ARL15: variants seen among roughly 807,000 people sequenced by gnomAD.
ARL15 encodes ARF like GTPase 15.
A neutral mutation model predicts 25.2 loss-of-function variants in ARL15; 19 were observed. The observed-to-expected ratio is 0.75, with a 90% CI of 0.53 to 1.10. The LOEUF is 1.10. Among genes scored for constraint, ARL15 ranks in the 50% least tolerant of loss-of-function variants. The probability of loss-of-function intolerance (pLI) is 0.00; values close to 1 mark genes in which losing one functional copy is unlikely to be tolerated. For synonymous variants in ARL15, 94 were observed against 86.8 expected (o/e 1.08, Z -0.46); for missense variants, 220 against 246.0 (o/e 0.89, Z 0.71).
At chr5:54,132,255 T>C (rs543661968) in intron 3 of ARL15, among the ~76,000 whole-genome samples, 29 of 152,204 alleles carry the variant, frequency 1.9e-4, no homozygotes, top group African/African-American at 5.3e-4. Context: ...CCATATAGTA[T>C]AAGAAATATT....
chr5:54,112,111 C>T (rs1168213816), intron 4 of ARL15, among the ~76,000 whole-genome samples: 1 of 152,008 alleles, frequency 6.6e-6, no homozygotes, highest in Admixed American at 6.6e-5. Context: ...AATAATGGGT[C>T]CTTGCCTTTC....
intron 4 of ARL15, among the ~76,000 whole-genome samples, chr5:54,100,904 A>G (rs578249469): frequency 8.5e-5 from 13 of 152,234 alleles, no homozygotes; most frequent in African/African-American, 3.1e-4. Context: ...TTTTCACTGT[A>G]TACCTTTTTG....
At chr5:54,262,154 C>G (rs540172923) in intron 1 of ARL15, among the ~76,000 whole-genome samples, 3 of 152,162 alleles carry the variant, frequency 2.0e-5, no homozygotes, top group African/African-American at 7.2e-5. Context: ...ATCACCCTCC[C>G]ACACACAATC....
chr5:53,935,824 C>T (rs926902409), intron 4 of ARL15, among the ~76,000 whole-genome samples: 1 of 152,132 alleles, frequency 6.6e-6, no homozygotes, highest in African/African-American at 2.4e-5. Context: ...GGTGCGATCT[C>T]GGCAACCTCT....
intron 1 of ARL15, among the ~76,000 whole-genome samples, chr5:54,277,668 C>T (rs1339282897): frequency 6.6e-6 from 1 of 151,982 alleles, no homozygotes. Context: ...AGGAGAATGG[C>T]GTGAACCCGG....
intron 1 of ARL15, among the ~76,000 whole-genome samples, chr5:54,187,804 T>C (rs1755281704): frequency 6.6e-6 from 1 of 152,218 alleles, no homozygotes; most frequent in African/African-American, 2.4e-5. Flanking sequence ...TGCATATTTT[T>C]GCTTTCCTTT....
At chr5:54,304,612 C>T (rs546716028) in intron 1 of ARL15, among the ~76,000 whole-genome samples, 34 of 152,256 alleles carry the variant, frequency 2.2e-4, no homozygotes, top group African/African-American at 7.2e-4. Flanking sequence ...CCTAATGGTA[C>T]GGATTTGCTC....
At position 54,183,158 on chromosome 5, in the gene ARL15, T is replaced by C. The variant is rs1470168561; in HGVS notation, c.49-11230A>G. On this transcript the variant is annotated intron_variant, in intron 1 of 4. Coordinates refer to ENST00000504924, the MANE Select transcript of ARL15 (RefSeq NM_019087.3). ...CCCGTTATTTCCTTCTCCTGCCTTA[T>C]TGCCCCAGCCAGAACTTCCAACACT... Among the ~76,000 whole-genome samples the C allele has an allele frequency of 7.2e-5, 7 of 97,346 alleles. 3 individuals are homozygous for C. Among genetic ancestry groups the C allele is most frequent in the Non-Finnish European group, 1.6e-4 (7 of 44,852 alleles). 63.9% of individuals were successfully genotyped at this position (97,346 alleles called of 152,430 possible).
intron 4 of ARL15, among the ~76,000 whole-genome samples, chr5:53,945,666 A>C (rs1746701936): frequency 6.6e-6 from 1 of 152,264 alleles, no homozygotes; most frequent in Admixed American, 6.5e-5. Flanking sequence ...AATGAGTTGC[A>C]AAAACAAAAA....
chr5:54,235,591 C>T (rs867363623), intron 1 of ARL15, among the ~76,000 whole-genome samples: 28 of 151,784 alleles, frequency 1.8e-4, no homozygotes, highest in South Asian at 2.1e-4. Context: ...CTGGGCTCAG[C>T]CTCCCAAGTA....
At chr5:54,187,918 C>CTA (rs1204771083) in intron 1 of ARL15, among the ~76,000 whole-genome samples, 1 of 152,146 alleles carries the variant, frequency 6.6e-6, no homozygotes, top group Non-Finnish European at 1.5e-5. Flanking sequence ...ACAGTCTGGG[C>CTA]TATTGTTTGT....
intron 4 of ARL15, among the ~76,000 whole-genome samples, chr5:54,065,675 C>T (rs911885449): frequency 7.5e-6 from 1 of 132,956 alleles, no homozygotes; most frequent in East Asian, 2.0e-4. Context: ...CAAAAACAAA[C>T]AAGCAAACAA....
intron 4 of ARL15, among the ~76,000 whole-genome samples, chr5:53,927,623 T>C (rs1165545425): frequency 2.0e-5 from 3 of 152,282 alleles, no homozygotes; most frequent in East Asian, 1.9e-4. Flanking sequence ...ACACGTACTA[T>C]GTATGTGTCT....
intron 2 of ARL15, among the ~76,000 whole-genome samples, 154 bp from the exon 3 acceptor site, chr5:54,154,793 C>T (rs931978532): frequency 2.6e-5 from 4 of 152,138 alleles, no homozygotes; most frequent in African/African-American, 9.7e-5. Flanking sequence ...CCAAGGTAAA[C>T]TGATAACTGA....
At chr5:54,232,674 T>A (rs1199259368) in intron 1 of ARL15, among the ~76,000 whole-genome samples, 1 of 152,136 alleles carries the variant, frequency 6.6e-6, no homozygotes, top group Non-Finnish European at 1.5e-5. Context: ...GCCACAAAAT[T>A]GCTTCTCAGA....
At chr5:54,241,833 A>G (rs1326154378) in intron 1 of ARL15, among the ~76,000 whole-genome samples, 1 of 152,216 alleles carries the variant, frequency 6.6e-6, no homozygotes, top group Non-Finnish European at 1.5e-5. Context: ...AAAGAATGCC[A>G]TAACTTCTGG....
At position 54,113,206 on chromosome 5, in the gene ARL15, TGTACTGA is replaced by T; in HGVS notation, c.451_457del (p.Ser151LysfsTer31). On this transcript the variant is annotated frameshift_variant, in exon 4 of 5. Transcript: ENST00000504924. LOFTEE classifies it high-confidence loss of function. ...TGTCATGCTAATGAGACATACCTCT[TGTACTGA>T]GCGAGCTGCTGGCTTGTCTTGATGA... The T allele has an allele frequency of 6.2e-7, 1 of 1,613,488 alleles. No individual in the cohort carries two copies. The highest frequency in any genetic ancestry group is 1.1e-5 in the South Asian group (1 of 91,044).
chr5:54,154,676 G>C lies in ARL15; in HGVS notation c.194-37C>G, dbSNP rs977290150. 8.3e-6 allele frequency: 11 copies of C among 1,327,330 alleles called. No individual in the cohort carries two copies. In the Admixed American group the frequency reaches 2.0e-4, roughly 24 times the overall value. The allele number at this position is 1,327,330 out of a possible 1,614,324, so 82.2% of individuals were successfully genotyped here. A position where few individuals can be genotyped will look rare whatever the true frequency, so the allele number is the denominator to read the frequency against. On this transcript the variant is annotated intron_variant, in intron 2 of 4. Coordinates refer to ENST00000504924, the MANE Select transcript of ARL15 (RefSeq NM_019087.3). ...AAACAAAAACATAAAAAAAGAATTAGCAACTTTTAAATTAAAACACTTAGG... is the reference window on the plus strand; with the variant it reads ...AAACAAAAACATAAAAAAAGAATTACCAACTTTTAAATTAAAACACTTAGG...
intron 1 of ARL15, among the ~76,000 whole-genome samples, chr5:54,241,581 G>A (rs945437372): frequency 1.3e-5 from 2 of 151,988 alleles, no homozygotes; most frequent in East Asian, 1.9e-4. Flanking sequence ...TATATAATTT[G>A]CTACCTTCTT....
Sources: gnomAD v4.1 joint callset for allele counts (sites outside exome capture counted in the v4.1 genomes callset) on GRCh38, gnomAD v4.1.1 for gene constraint, MANE v1.5 for transcripts, NCBI Gene and HGNC (gene_info 2026-07-23, HGNC 2026-07-21) for gene names.